The following RRAGA variants were observed in gnomAD, a reference collection of about 807,000 sequenced individuals.
RRAGA encodes the protein ras-related GTP-binding protein A.
RRAGA carries 11 observed loss-of-function variants against 20.5 expected under a neutral mutation model. The observed-to-expected ratio is 0.54, with a 90% confidence interval of 0.34 to 0.89. The LOEUF (loss-of-function observed/expected upper bound fraction) is 0.89. Ranked by LOEUF, RRAGA falls within the 40% of genes least tolerant of loss-of-function variation. The pLI is 0.02. For missense variants in RRAGA, 214 were observed against 400.7 expected, an observed-to-expected ratio of 0.53 and a Z score of 3.98; for synonymous variants, 184 against 155.4, an observed-to-expected ratio of 1.18 and a Z score of -1.37.
rs942019228 is a variant in RRAGA at position 19,050,894 on chromosome 9, T to C, written c.*293T>C. 1.2e-5 allele frequency: 4 copies of C among 332,670 alleles called. No individual in the cohort carries two copies. Among genetic ancestry groups the C allele is most frequent in the Non-Finnish European group, 2.3e-5 (4 of 170,268 alleles). The allele number at this position is 332,670 out of a possible 1,614,324, so 20.6% of individuals were successfully genotyped here. A position where few individuals can be genotyped will look rare whatever the true frequency, so the allele number is the denominator to read the frequency against. On this transcript the variant is annotated 3_prime_UTR_variant, in exon 1 of 1. Coordinates refer to ENST00000380527, the MANE Select transcript of RRAGA (RefSeq NM_006570.5). ...ATGATAGATATGCACATCAAAGCCT[T>C]TACCAGTATCTTCCTGTATTCCGTA...
Position 19,049,596 on chromosome 9 carries a change from CCCCTCCCTCGGCGCTGCGTGT to C in RRAGA, c.-63_-43del. 1 of 1,287,194 alleles carries C rather than the reference CCCCTCCCTCGGCGCTGCGTGT, an allele frequency of 7.8e-7. No homozygotes were observed. Among genetic ancestry groups the C allele is most frequent in the Non-Finnish European group, 1.1e-6 (1 of 933,756 alleles). 79.7% of individuals were successfully genotyped at this position (1,287,194 alleles called of 1,614,324 possible). A position where few individuals can be genotyped will look rare whatever the true frequency, so the allele number is the denominator to read the frequency against. The stretch of plus-strand genomic sequence containing the variant: ...CCTGCGAGTCCCCGGCAGCCCCCGA[CCCCTCCCTCGGCGCTGCGTGT>C]AGGCCGCGCCCTCAGGCCCAGTCCG... On this transcript the variant is annotated 5_prime_UTR_variant, in exon 1 of 1. Coordinates refer to ENST00000380527, the MANE Select transcript of RRAGA (RefSeq NM_006570.5). The surrounding 1 kb of genome is among the most constrained non-coding windows in gnomAD (Gnocchi z 5.4).
At position 19,050,085 on chromosome 9, in the gene RRAGA, A is replaced by T; in HGVS notation, c.426A>T (p.Lys142Asn). Reference sequence around the variant, plus strand: ...AGGATCAGCGTGACCTGATTTTTAAAGAGCGAGAGGAAGACCTGAGGCGTC... The same window carrying T: ...AGGATCAGCGTGACCTGATTTTTAATGAGCGAGAGGAAGACCTGAGGCGTC... ...VQEDQRDLIF[K>N]EREEDLRRLS... Residue 142 changes from lysine (K) to asparagine (N), a missense_variant, in exon 1 of 1, where the codon AAA becomes AAT. Coordinates refer to ENST00000380527, the MANE Select transcript of RRAGA (RefSeq NM_006570.5). 1 of 1,614,154 alleles carries T rather than the reference A, an allele frequency of 6.2e-7. No individual in the cohort carries two copies. Among genetic ancestry groups the T allele is most frequent in the Non-Finnish European group, 8.5e-7 (1 of 1,180,034 alleles).
In RRAGA at chr9:19,050,611, A is replaced by G. The variant is rs371357648; in HGVS notation, c.*10A>G. On this transcript the variant is annotated 3_prime_UTR_variant, in exon 1 of 1. Coordinates refer to ENST00000380527, the MANE Select transcript of RRAGA (RefSeq NM_006570.5). ...TCTCCTTATGCGTTGAATATTGCCA[A>G]ATGCTCTTTCTGAAAATGCTGAATT... 3 of 1,603,216 alleles carry G rather than the reference A, an allele frequency of 1.9e-6. No individual in the cohort carries two copies. Among genetic ancestry groups the G allele is most frequent in the African/African-American group, 2.7e-5 (2 of 74,606 alleles).
In RRAGA at chr9:19,050,575, C is replaced by A. The variant is rs776769816; in HGVS notation, c.916C>A (p.Pro306Thr). The A allele has an allele frequency of 6.2e-7, 1 of 1,614,142 alleles. No homozygotes were observed. The highest frequency in any genetic ancestry group is 1.7e-5 in the Admixed American group (1 of 60,020). The change falls in exon 1 of 1, where the codon CCC becomes ACC. Residue 306 changes from proline (P) to threonine (T), a missense_variant. Around this residue, in one of 4 missense-constraint regions of RRAGA, gnomAD observed 68 missense variants for 83.9 expected, o/e 0.81. Coordinates refer to ENST00000380527, the MANE Select transcript of RRAGA (RefSeq NM_006570.5). Reference sequence around the variant, plus strand: ...TGAGAAGCTGGAGAGAGTGGATGGCCCCAAGCACAGTCTCCTTATGCGTTG... The same window carrying A: ...TGAGAAGCTGGAGAGAGTGGATGGCACCAAGCACAGTCTCCTTATGCGTTG... ...HFEKLERVDG[P>T]KHSLLMR
At position 19,050,126 on chromosome 9, in the gene RRAGA, A is replaced by T; in HGVS notation, c.467A>T (p.Glu156Val). 6.2e-7 allele frequency: 1 copy of T among 1,614,044 alleles called. No homozygotes were observed. Among genetic ancestry groups the T allele is most frequent in the Non-Finnish European group, 8.5e-7 (1 of 1,180,000 alleles). Residue 156 changes from glutamate (E) to valine (V), a missense_variant, in exon 1 of 1, where the codon GAG (glutamate) becomes GTG (valine). Transcript: ENST00000380527. ...EDLRRLSRPL[E>V]CACFRTSIWD... is the part of the protein sequence containing the mutation. ...CTGAGGCGTCTGTCTCGCCCGCTGG[A>T]GTGTGCTTGTTTTCGAACGTCCATC...
In RRAGA at chr9:19,049,862, C is replaced by G. The variant is rs1836316213; in HGVS notation, c.203C>G (p.Thr68Ser). ...CTGTGGGACTGTGGCGGTCAGGACA[C>G]CTTCATGGAAAATTACTTCACCAGC... ...LNLWDCGGQD[T>S]FMENYFTSQR... Residue 68 changes from threonine (T) to serine (S), a missense_variant, in exon 1 of 1, where the codon ACC (threonine) becomes AGC (serine). Physicochemically the swap from Thr to Ser is moderately conservative, Grantham distance 58. Around this residue, in one of 4 missense-constraint regions of RRAGA, gnomAD observed 40 missense variants for 130.1 expected, o/e 0.31. Coordinates refer to ENST00000380527, the MANE Select transcript of RRAGA (RefSeq NM_006570.5). This position sits in a 1 kb window ranked among gnomAD's most constrained non-coding sequence, Gnocchi z 5.4. 6.2e-7 allele frequency: 1 copy of G among 1,614,100 alleles called. No individual in the cohort carries two copies. Among genetic ancestry groups the G allele is most frequent in the Non-Finnish European group, 8.5e-7 (1 of 1,180,038 alleles).
In RRAGA at chr9:19,050,582, A is replaced by G; in HGVS notation, c.923A>G (p.His308Arg). 1 of 1,614,166 alleles carries G rather than the reference A, an allele frequency of 6.2e-7. No individual in the cohort carries two copies. The highest frequency in any genetic ancestry group is 8.5e-7 in the Non-Finnish European group (1 of 1,179,998). Residue 308 changes from histidine to arginine, a missense_variant, in exon 1 of 1, where the codon CAC becomes CGC. Coordinates refer to ENST00000380527, the MANE Select transcript of RRAGA (RefSeq NM_006570.5). ...CTGGAGAGAGTGGATGGCCCCAAGC[A>G]CAGTCTCCTTATGCGTTGAATATTG... Reference protein sequence around the residue: ...EKLERVDGPKHSLLMR With the variant: ...EKLERVDGPKRSLLMR
Position 19,049,573 on chromosome 9 carries a change from TGCGAGTCCCCGGCAGCCCCCG to T in RRAGA, c.-86_-66del. 3.0e-6 allele frequency: 3 copies of T among 1,001,858 alleles called. No individual in the cohort carries two copies. The highest frequency in any genetic ancestry group is 4.3e-6 in the Non-Finnish European group (3 of 694,994). The allele number at this position is 1,001,858 out of a possible 1,614,324, so 62.1% of individuals were successfully genotyped here. A position where few individuals can be genotyped will look rare whatever the true frequency, so the allele number is the denominator to read the frequency against. On this transcript the variant is annotated 5_prime_UTR_variant, in exon 1 of 1. Coordinates refer to ENST00000380527, the MANE Select transcript of RRAGA (RefSeq NM_006570.5). This position sits in a 1 kb window ranked among gnomAD's most constrained non-coding sequence, Gnocchi z 5.4. ...CGGCGGAGCGGAGCGAGGCGCGGCC[TGCGAGTCCCCGGCAGCCCCCG>T]ACCCCTCCCTCGGCGCTGCGTGTAG...
Position 19,049,743 on chromosome 9 carries a change from C to T in RRAGA, c.84C>T (p.Phe28=), listed in dbSNP as rs1391576687. 1 of 1,614,108 alleles carries T rather than the reference C, an allele frequency of 6.2e-7. No homozygotes were observed. ...AGACCAGCATGAGGTCGATAATCTTCGCCAATTACATTGCTCGCGACACCC... is the reference window on the plus strand; with the variant it reads ...AGACCAGCATGAGGTCGATAATCTTTGCCAATTACATTGCTCGCGACACCC... ...SGKTSMRSII[F]ANYIARDTRR... is the part of the protein sequence containing the mutation. Residue 28 remains phenylalanine (F), a synonymous_variant, in exon 1 of 1, where the codon TTC becomes TTT. Transcript: ENST00000380527. The surrounding 1 kb of genome is among the most constrained non-coding windows in gnomAD (Gnocchi z 5.4).
chr9:19,049,802 C>G lies in RRAGA; in HGVS notation c.143C>G (p.Ser48Cys). 1 of 1,614,138 alleles carries G rather than the reference C, an allele frequency of 6.2e-7. No individual in the cohort carries two copies. Among genetic ancestry groups the G allele is most frequent in the Non-Finnish European group, 8.5e-7 (1 of 1,180,024 alleles). ...RLGATIDVEH[S>C]HVRFLGNLVL... The stretch of plus-strand genomic sequence containing the variant: ...GGGGCCACCATTGACGTGGAACACT[C>G]CCACGTCCGATTCCTAGGGAACCTG... The change falls in exon 1 of 1, where the codon TCC becomes TGC. Residue 48 changes from serine to cysteine, a missense_variant. Ser to Cys is a moderately radical substitution (Grantham distance 112). Coordinates refer to ENST00000380527, the MANE Select transcript of RRAGA (RefSeq NM_006570.5). The surrounding 1 kb of genome is among the most constrained non-coding windows in gnomAD (Gnocchi z 5.4).
chr9:19,049,477 A>T lies in RRAGA; in HGVS notation c.-183A>T. On this transcript the variant is annotated 5_prime_UTR_variant, in exon 1 of 1. Coordinates refer to ENST00000380527, the MANE Select transcript of RRAGA (RefSeq NM_006570.5). The surrounding 1 kb of genome is among the most constrained non-coding windows in gnomAD (Gnocchi z 5.4). ...CAGCCGCGGGCGCTCCCATCTGAGTAAGAGCCAGCCCGTCCGCGGCCTCTC... is the reference window on the plus strand; with the variant it reads ...CAGCCGCGGGCGCTCCCATCTGAGTTAGAGCCAGCCCGTCCGCGGCCTCTC... The T allele has an allele frequency of 1.9e-6, 1 of 518,850 alleles. No individual in the cohort carries two copies. The highest frequency in any genetic ancestry group is 3.4e-6 in the Non-Finnish European group (1 of 298,494). The allele number at this position is 518,850 out of a possible 1,614,324, so 32.1% of individuals were successfully genotyped here.
At position 19,049,607 on chromosome 9, in the gene RRAGA, G is replaced by A. The variant is rs1836311305; in HGVS notation, c.-53G>A. ...CCGGCAGCCCCCGACCCCTCCCTCG[G>A]CGCTGCGTGTAGGCCGCGCCCTCAG... On this transcript the variant is annotated 5_prime_UTR_variant, in exon 1 of 1. Transcript: ENST00000380527. The surrounding 1 kb of genome is among the most constrained non-coding windows in gnomAD (Gnocchi z 5.4). 4 of 1,415,512 alleles carry A rather than the reference G, an allele frequency of 2.8e-6. No individual in the cohort carries two copies. The highest frequency in any genetic ancestry group is 2.6e-5 in the South Asian group (2 of 76,280). The allele number at this position is 1,415,512 out of a possible 1,614,324, so 87.7% of individuals were successfully genotyped here. A position where few individuals can be genotyped will look rare whatever the true frequency, so the allele number is the denominator to read the frequency against.
Position 19,050,626 on chromosome 9 carries a change from A to G in RRAGA, c.*25A>G, listed in dbSNP as rs1836330880. 6.3e-7 allele frequency: 1 copy of G among 1,595,786 alleles called. No homozygotes were observed. Among genetic ancestry groups the G allele is most frequent in the Admixed American group, 1.7e-5 (1 of 58,280 alleles). On this transcript the variant is annotated 3_prime_UTR_variant, in exon 1 of 1. Coordinates refer to ENST00000380527, the MANE Select transcript of RRAGA (RefSeq NM_006570.5). Reference sequence around the variant, plus strand: ...AATATTGCCAAATGCTCTTTCTGAAAATGCTGAATTGCCTTTTTTGTTTGC... The same window carrying G: ...AATATTGCCAAATGCTCTTTCTGAAGATGCTGAATTGCCTTTTTTGTTTGC...
rs1835532429 is a variant in RRAGA at position 19,050,749 on chromosome 9, C to CT, written c.*151dup. 1.3e-6 allele frequency: 1 copy of CT among 762,978 alleles called. No homozygotes were observed. The highest frequency in any genetic ancestry group is 2.9e-5 in the Admixed American group (1 of 34,636). The allele number at this position is 762,978 out of a possible 1,614,324, so 47.3% of individuals were successfully genotyped here. On this transcript the variant is annotated 3_prime_UTR_variant, in exon 1 of 1. Coordinates refer to ENST00000380527, the MANE Select transcript of RRAGA (RefSeq NM_006570.5). ...TCATCTTTCTCCCCGCTTCCCCAGT[C>CT]TTTAAACATTGGACGCTATTTACTC...
chr9:19,049,492 C>G lies in RRAGA; in HGVS notation c.-168C>G, dbSNP rs988588841. 2.4e-5 allele frequency: 13 copies of G among 551,330 alleles called. No individual in the cohort carries two copies. The African/African-American group carries it at 2.6e-4, about 11-fold the overall frequency. The allele number at this position is 551,330 out of a possible 1,614,324, so 34.2% of individuals were successfully genotyped here. On this transcript the variant is annotated 5_prime_UTR_variant, in exon 1 of 1. Coordinates refer to ENST00000380527, the MANE Select transcript of RRAGA (RefSeq NM_006570.5). The surrounding 1 kb of genome is among the most constrained non-coding windows in gnomAD (Gnocchi z 5.4). ...CCATCTGAGTAAGAGCCAGCCCGTC[C>G]GCGGCCTCTCCAGCCCCGGGTTCGC...
At position 19,049,690 on chromosome 9, in the gene RRAGA, C is replaced by T; in HGVS notation, c.31C>T (p.Leu11=). 1 of 1,613,934 alleles carries T rather than the reference C, an allele frequency of 6.2e-7. No homozygotes were observed. The highest frequency in any genetic ancestry group is 8.5e-7 in the Non-Finnish European group (1 of 1,179,866). MPNTAMKKKV[L]LMGKSGSGKT... ...AAATACAGCCATGAAGAAAAAGGTG[C>T]TGCTGATGGGGAAGAGCGGGTCGGG... is the stretch of plus-strand genomic sequence containing the variant. The change falls in exon 1 of 1, where the codon CTG becomes TTG. Residue 11 remains leucine, a synonymous_variant. Transcript: ENST00000380527. This position sits in a 1 kb window ranked among gnomAD's most constrained non-coding sequence, Gnocchi z 5.4.
At position 19,049,793 on chromosome 9, in the gene RRAGA, TG is replaced by T. The variant is rs753173862; in HGVS notation, c.136del (p.Glu46AsnfsTer8). On this transcript the variant is annotated frameshift_variant, in exon 1 of 1. Coordinates refer to ENST00000380527, the MANE Select transcript of RRAGA (RefSeq NM_006570.5). LOFTEE classifies it high-confidence loss of function. This position sits in a 1 kb window ranked among gnomAD's most constrained non-coding sequence, Gnocchi z 5.4. ...DTRRLGATID[V>X]EHSHVRFLGN... ...CGGCGCCTGGGGGCCACCATTGACG[TG>T]GAACACTCCCACGTCCGATTCCTAG... is the stretch of plus-strand genomic sequence containing the variant. The T allele has an allele frequency of 6.2e-7, 1 of 1,614,112 alleles. No homozygotes were observed. The highest frequency in any genetic ancestry group is 8.5e-7 in the Non-Finnish European group (1 of 1,180,008).
At position 19,050,506 on chromosome 9, in the gene RRAGA, T is replaced by C; in HGVS notation, c.847T>C (p.Ser283Pro). The change falls in exon 1 of 1, where the codon TCT (serine) becomes CCT (proline). Residue 283 changes from serine (S) to proline (P), a missense_variant. Ser to Pro is a moderately conservative substitution (Grantham distance 74). This residue lies in a region of RRAGA where 68 missense variants were observed against 83.9 expected (regional missense o/e 0.81). Coordinates refer to ENST00000380527, the MANE Select transcript of RRAGA (RefSeq NM_006570.5). ...MVVMSDPSIPSAATLINIRNA... is the reference protein window; with the variant it reads ...MVVMSDPSIPPAATLINIRNA... ...GGTCATGTCAGATCCGTCGATCCCT[T>C]CTGCGGCCACTCTGATCAACATTCG... is the stretch of plus-strand genomic sequence containing the variant. 6.2e-7 allele frequency: 1 copy of C among 1,614,168 alleles called. No individual in the cohort carries two copies. The highest frequency in any genetic ancestry group is 2.2e-5 in the East Asian group (1 of 44,886).
chr9:19,049,648 C>T lies in RRAGA; in HGVS notation c.-12C>T, dbSNP rs777445950. 3.6e-5 allele frequency: 58 copies of T among 1,598,344 alleles called. No individual in the cohort carries two copies. Among genetic ancestry groups the T allele is most frequent in the Admixed American group, 6.8e-5 (4 of 58,648 alleles). ...GCGCCCTCAGGCCCAGTCCGCGGTG[C>T]CCCGGCGGGTGATGCCAAATACAGC... On this transcript the variant is annotated 5_prime_UTR_variant, in exon 1 of 1. Coordinates refer to ENST00000380527, the MANE Select transcript of RRAGA (RefSeq NM_006570.5). This position sits in a 1 kb window ranked among gnomAD's most constrained non-coding sequence, Gnocchi z 5.4.
Sources: allele counts gnomAD v4.1 joint callset, GRCh38; gene constraint gnomAD v4.1.1; regional missense constraint gnomAD v4.1.1; non-coding constraint Gnocchi (gnomAD v3.1); transcripts MANE v1.5; gene names NCBI Gene and HGNC (gene_info 2026-07-23, HGNC 2026-07-21).